Variants in UPP2 observed in about 807,000 individuals in gnomAD.
UPP2 encodes the protein uridine phosphorylase 2.
UPP2 carries 23 observed loss-of-function variants against 26.7 expected under a neutral mutation model. The ratio of observed to expected loss-of-function variants is 0.86; its 90% CI spans 0.62 to 1.22. The LOEUF (loss-of-function observed/expected upper bound fraction) is 1.22, where lower values mean the gene tolerates loss of function less well. UPP2 is among the 50% of genes most tolerant of loss of function. The probability of loss-of-function intolerance (pLI) is 0.00; values close to 1 mark genes in which losing one functional copy is unlikely to be tolerated. For missense variants in UPP2, 387 were observed against 396.7 expected (o/e 0.98, Z 0.21); for synonymous variants, 127 against 141.3 (o/e 0.90, Z 0.72).
chr2:158,111,764 G>A (rs994929143), intron 2 of UPP2, among the ~76,000 whole-genome samples: 1 of 151,344 alleles, frequency 6.6e-6, no homozygotes, highest in African/African-American at 2.4e-5. Context: ...TTGTTTCTCT[G>A]CTTATTTGTT....
chr2:158,012,076 T>C (rs1202534898), intron 2 of UPP2, among the ~76,000 whole-genome samples: 1 of 152,156 alleles, frequency 6.6e-6, no homozygotes, highest in Non-Finnish European at 1.5e-5. Context: ...TCTGCGGTCC[T>C]GCCTTTAGTG....
At chr2:158,033,444 T>TGGTTCCAG (rs1683954843) in intron 3 of UPP2, among the ~76,000 whole-genome samples, 1 of 151,930 alleles carries the variant, frequency 6.6e-6, no homozygotes, top group Admixed American at 6.6e-5. Context: ...ATGGGATGGG[T>TGGTTCCAG]GGTTCCAGGA....
intron 3 of UPP2, among the ~76,000 whole-genome samples, chr2:158,094,057 A>G (rs1047040472): frequency 4.0e-5 from 6 of 151,460 alleles, no homozygotes; most frequent in South Asian, 2.1e-4. Context: ...ATACATACAC[A>G]CACGCACACA....
intron 2 of UPP2, among the ~76,000 whole-genome samples, chr2:158,008,536 G>C (rs1256953904): frequency 6.6e-6 from 1 of 152,138 alleles, no homozygotes; most frequent in Non-Finnish European, 1.5e-5. Context: ...ATAAAATACT[G>C]TACTGGCACA....
intron 3 of UPP2, among the ~76,000 whole-genome samples, chr2:158,057,180 G>A (rs752178285): frequency 3.9e-5 from 6 of 152,186 alleles, no homozygotes; most frequent in African/African-American, 1.4e-4. Flanking sequence ...TTGGTCACCT[G>A]GCCGAGGTAG....
intron 6 of UPP2, among the ~76,000 whole-genome samples, chr2:158,127,526 T>A (rs1024198766): frequency 6.6e-6 from 1 of 152,172 alleles, no homozygotes; most frequent in African/African-American, 2.4e-5. Context: ...ACTTTAACCT[T>A]TATTCCCCAG....
intron 3 of UPP2, among the ~76,000 whole-genome samples, chr2:158,095,644 C>T (rs1682973695): frequency 6.6e-6 from 1 of 152,186 alleles, no homozygotes; most frequent in South Asian, 2.1e-4. Flanking sequence ...TCCATTTCCT[C>T]ATCTGAAAAT....
At position 158,024,855 on chromosome 2, in the gene UPP2, TA is replaced by T. The variant is rs529391648; in HGVS notation, c.147+8978del. Among the ~76,000 whole-genome samples, 10 of 151,586 alleles carry T rather than the reference TA, an allele frequency of 6.6e-5. No homozygotes were observed. In the South Asian group the frequency reaches 8.3e-4, roughly 13 times the overall value. On this transcript the variant is annotated intron_variant, in intron 3 of 9. Coordinates refer to the UPP2 transcript ENST00000605860. ...GCAGGTGCAATCTGGTCATAAAAAA[TA>T]AAAAAAAATTATCATCTGGTAAATT...
chr2:158,133,498 A>C lies in UPP2; in HGVS notation c.812-1250A>C, dbSNP rs1475694962. Among the ~76,000 whole-genome samples the C allele has an allele frequency of 2.0e-5, 3 of 152,288 alleles. No individual in the cohort carries two copies. The East Asian group carries it at 5.8e-4, about 29-fold the overall frequency. ...TAATAACGTATAGTGAAAAATCTTTAAGAGAGTAGATTTTAATTGTTTTCA... is the reference window on the plus strand; with the variant it reads ...TAATAACGTATAGTGAAAAATCTTTCAGAGAGTAGATTTTAATTGTTTTCA... On this transcript the variant is annotated intron_variant, in intron 6 of 6. Coordinates refer to ENST00000005756, the MANE Select transcript of UPP2 (RefSeq NM_173355.4).
chr2:158,093,267 A>AACACACAC (rs1682936915), intron 3 of UPP2, among the ~76,000 whole-genome samples: 1 of 114,944 alleles, frequency 8.7e-6, no homozygotes, highest in East Asian at 3.6e-4. Flanking sequence ...GGTAAAAAGA[A>AACACACAC]ACATACACAC....
At chr2:158,114,822 T>A (rs1346405258) in intron 2 of UPP2, among the ~76,000 whole-genome samples, 1 of 152,216 alleles carries the variant, frequency 6.6e-6, no homozygotes, top group Non-Finnish European at 1.5e-5. Flanking sequence ...TGGTGTTCAC[T>A]ATAAACAAAA....
At chr2:158,040,386 T>C (rs1684067836) in intron 3 of UPP2, among the ~76,000 whole-genome samples, 1 of 152,162 alleles carries the variant, frequency 6.6e-6, no homozygotes, top group Non-Finnish European at 1.5e-5. Flanking sequence ...TTACCAAAGC[T>C]GAAAGGGAAA....
intron 3 of UPP2, among the ~76,000 whole-genome samples, chr2:158,034,686 G>A (rs923719712): frequency 6.6e-6 from 1 of 152,220 alleles, no homozygotes; most frequent in African/African-American, 2.4e-5. Flanking sequence ...TACGCATAGT[G>A]AATGAAAAGG....
chr2:157,998,780 A>G (rs1683362064), intron 2 of UPP2, among the ~76,000 whole-genome samples: 2 of 152,236 alleles, frequency 1.3e-5, no homozygotes, highest in South Asian at 4.1e-4. Context: ...TGCCTGGGTA[A>G]CAGAGCAAGA....
At chr2:158,047,705 CT>C (rs2105168739) in intron 3 of UPP2, among the ~76,000 whole-genome samples, 1 of 152,236 alleles carries the variant, frequency 6.6e-6, no homozygotes, top group African/African-American at 2.4e-5. Context: ...AGGAATGTAG[CT>C]TCAGTTACAG....
At chr2:158,029,470 T>C (rs906166530) in intron 3 of UPP2, among the ~76,000 whole-genome samples, 11 of 152,216 alleles carry the variant, frequency 7.2e-5, no homozygotes, top group African/African-American at 2.7e-4. Context: ...ATTAGCTTTA[T>C]AGGAAGCTTA....
chr2:158,007,080 C>T (rs144978960), intron 2 of UPP2, among the ~76,000 whole-genome samples: 133 of 152,300 alleles, frequency 8.7e-4, no homozygotes, highest in Non-Finnish European at 1.7e-3. Flanking sequence ...CATTCACCTT[C>T]CCTTTGCCAG....
At chr2:158,059,558 T>C (rs538493950) in intron 3 of UPP2, among the ~76,000 whole-genome samples, 1 of 152,318 alleles carries the variant, frequency 6.6e-6, no homozygotes, top group East Asian at 1.9e-4. Context: ...CTTAAGCACC[T>C]TGCTGGCACA....
At chr2:158,085,788 A>G (rs1574282487) in intron 3 of UPP2, among the ~76,000 whole-genome samples, 4 of 152,200 alleles carry the variant, frequency 2.6e-5, no homozygotes, top group African/African-American at 9.6e-5. Flanking sequence ...AATTCTGTTT[A>G]TGTGGTGTAT....
Sources: gnomAD v4.1 joint callset for allele counts (sites outside exome capture counted in the v4.1 genomes callset) on GRCh38, gnomAD v4.1.1 for gene constraint, MANE v1.5 for transcripts, NCBI Gene and HGNC (gene_info 2026-07-23, HGNC 2026-07-21) for gene names.